The following THSD4 variants were observed in gnomAD, a reference collection of about 807,000 sequenced individuals.
THSD4 encodes thrombospondin type-1 domain-containing protein 4.
Under a neutral mutation model 119.0 loss-of-function variants are expected in THSD4, and 69 were observed. The ratio of observed to expected loss-of-function variants is 0.58; its 90% CI spans 0.48 to 0.71. The LOEUF is 0.71. THSD4 is among the 30% of genes least tolerant of loss of function. The probability of loss-of-function intolerance (pLI) is 0.00; values close to 1 mark genes in which losing one functional copy is unlikely to be tolerated. For missense variants in THSD4, 1,393 were observed against 1,391.1 expected (o/e 1.00, Z -0.02); for synonymous variants, 524 against 540.4 (o/e 0.97, Z 0.42).
chr15:71,738,384 G>A (rs536983178), intron 11 of THSD4, among the ~76,000 whole-genome samples: 50 of 152,308 alleles, frequency 3.3e-4, no homozygotes, highest in African/African-American at 1.1e-3. Flanking sequence ...CCTGGCCCAA[G>A]GGAAATGGCA....
At chr15:71,668,015 T>G (rs188539529) in intron 8 of THSD4, among the ~76,000 whole-genome samples, 170 of 152,352 alleles carry the variant, frequency 1.1e-3, no homozygotes, top group Non-Finnish European at 2.0e-3. Context: ...CTTTTCATAT[T>G]AATACATATA....
At position 71,780,570 on chromosome 15, in the gene THSD4, C is replaced by G; in HGVS notation, c.*3196C>G. On this transcript the variant is annotated 3_prime_UTR_variant, in exon 18 of 18. Transcript: ENST00000261862. ...AAAAAAAGCCATTTAAAGCCAGCCA[C>G]TAGAGGGAGTCAGTTCAGTTCCGTA... is the stretch of plus-strand genomic sequence containing the variant. 1 of 381,734 alleles carries G rather than the reference C, an allele frequency of 2.6e-6. No individual in the cohort carries two copies. Among genetic ancestry groups the G allele is most frequent in the Non-Finnish European group, 5.2e-6 (1 of 191,372 alleles). The allele number at this position is 381,734 out of a possible 1,614,324, so 23.6% of individuals were successfully genotyped here. A position where few individuals can be genotyped will look rare whatever the true frequency, so the allele number is the denominator to read the frequency against.
intron 6 of THSD4, chr15:71,341,033 A>C: frequency 1.1e-3 from 626 of 549,642 alleles, no homozygotes; most frequent in East Asian, 1.3e-3. Context: ...AGTGTCTTGC[A>C]TTTCCTCTCT....
chr15:71,192,052 A>G (rs1214793248), intron 3 of THSD4, among the ~76,000 whole-genome samples: 1 of 151,330 alleles, frequency 6.6e-6, no homozygotes, highest in Non-Finnish European at 1.5e-5. Context: ...ACAGGTGCCC[A>G]CCACTATGCC....
At chr15:71,411,136 C>T (rs1379191652) in intron 6 of THSD4, among the ~76,000 whole-genome samples, 4 of 152,106 alleles carry the variant, frequency 2.6e-5, no homozygotes, top group South Asian at 4.2e-4. Flanking sequence ...TTTGCACCAA[C>T]GTAATTAATT....
intron 7 of THSD4, among the ~76,000 whole-genome samples, chr15:71,495,417 C>A (rs1465100610): frequency 6.6e-6 from 1 of 152,186 alleles, no homozygotes; most frequent in African/African-American, 2.4e-5. Flanking sequence ...TTGTGATTAA[C>A]TGATTGTCCC....
chr15:71,354,001 C>A (rs2045777065), intron 6 of THSD4, among the ~76,000 whole-genome samples: 1 of 152,204 alleles, frequency 6.6e-6, no homozygotes, highest in Non-Finnish European at 1.5e-5. Context: ...CAGGGGCTGT[C>A]TGGAAAAGGA....
At chr15:71,403,332 A>T (rs1002260946) in intron 6 of THSD4, among the ~76,000 whole-genome samples, 1 of 152,236 alleles carries the variant, frequency 6.6e-6, no homozygotes, top group South Asian at 2.1e-4. Context: ...GACTAGATAT[A>T]GAATTCTAAT....
intron 8 of THSD4, among the ~76,000 whole-genome samples, chr15:71,661,244 A>C (rs1316034333): frequency 6.6e-6 from 1 of 152,198 alleles, no homozygotes; most frequent in African/African-American, 2.4e-5. Flanking sequence ...GGAATCCTCC[A>C]GCAATCATTT....
intron 6 of THSD4, among the ~76,000 whole-genome samples, chr15:71,313,317 C>T (rs899612795): frequency 3.3e-5 from 5 of 152,106 alleles, no homozygotes; most frequent in Admixed American, 6.6e-5. Flanking sequence ...TGTGTGTGTG[C>T]ATGTGTTCAG....
At chr15:71,112,639 C>G (rs903936318), upstream of THSD4, among the ~76,000 whole-genome samples, 3 of 152,308 alleles carry the variant, frequency 2.0e-5, no homozygotes, top group South Asian at 2.1e-4. Flanking sequence ...AGGCAGGCCC[C>G]CAGCCTAGGT....
chr15:71,664,965 G>A (rs1401778748), intron 8 of THSD4, among the ~76,000 whole-genome samples: 1 of 152,144 alleles, frequency 6.6e-6, no homozygotes, highest in Non-Finnish European at 1.5e-5. Flanking sequence ...ATGCATGCAT[G>A]TGTCTTTATG....
chr15:71,529,992 C>G (rs530132441), intron 7 of THSD4, among the ~76,000 whole-genome samples: 1 of 152,168 alleles, frequency 6.6e-6, no homozygotes, highest in Non-Finnish European at 1.5e-5. Context: ...GGCTGCTTAT[C>G]CCAACATGGA....
At chr15:71,408,613 A>T (rs1281190890) in intron 6 of THSD4, among the ~76,000 whole-genome samples, 1 of 152,014 alleles carries the variant, frequency 6.6e-6, no homozygotes, top group Non-Finnish European at 1.5e-5. Context: ...GCACTTTGGG[A>T]GGCCGAGGCA....
At chr15:71,191,203 C>T (rs1434614207) in intron 3 of THSD4, among the ~76,000 whole-genome samples, 4 of 152,160 alleles carry the variant, frequency 2.6e-5, no homozygotes, top group Admixed American at 2.6e-4. Flanking sequence ...TACACACCGT[C>T]CTTCCCCTGG....
At chr15:71,181,061 A>T (rs1302535231) in intron 3 of THSD4, among the ~76,000 whole-genome samples, 1 of 152,152 alleles carries the variant, frequency 6.6e-6, no homozygotes, top group Non-Finnish European at 1.5e-5. Flanking sequence ...GAAAACAAAG[A>T]TGCTCTTTAA....
At chr15:71,486,611 G>GTTTTTTTTTTTTT (rs200120589) in intron 7 of THSD4, among the ~76,000 whole-genome samples, 4 of 131,708 alleles carry the variant, frequency 3.0e-5, no homozygotes, top group Non-Finnish European at 1.6e-5. Context: ...TTTCTTTTCT[G>GTTTTTTTTTTTTT]TTTTTTTTTT....
intron 7 of THSD4, among the ~76,000 whole-genome samples, chr15:71,437,952 G>T (rs1398401576): frequency 6.6e-6 from 1 of 152,226 alleles, no homozygotes; most frequent in Non-Finnish European, 1.5e-5. Flanking sequence ...GTGAGCTCAA[G>T]CATCTTTTCA....
chr15:71,299,438 G>A lies in THSD4; in HGVS notation c.1015+42723G>A, dbSNP rs192894609. Reference sequence around the variant, plus strand: ...TTGTGACAGCATGCGTGAATGTAGAGGACTTTATGCTAAGTGAAATAAGCC... The same window carrying A: ...TTGTGACAGCATGCGTGAATGTAGAAGACTTTATGCTAAGTGAAATAAGCC... On this transcript the variant is annotated intron_variant, in intron 6 of 17. Transcript: ENST00000261862. Among the ~76,000 whole-genome samples, 9 of 152,262 alleles carry A rather than the reference G, an allele frequency of 5.9e-5. 1 individual carries two copies. Among genetic ancestry groups the A allele is most frequent in the Admixed American group, 5.2e-4 (8 of 15,294 alleles).
Sources: gnomAD v4.1 joint callset for allele counts (sites outside exome capture counted in the v4.1 genomes callset) on GRCh38, gnomAD v4.1.1 for gene constraint, MANE v1.5 for transcripts, NCBI Gene and HGNC (gene_info 2026-07-23, HGNC 2026-07-21) for gene names.